VMA12: variants seen among roughly 807,000 people sequenced by gnomAD.
The protein encoded by VMA12 is vacuolar ATPase assembly factor VMA12, also known as vacuolar ATPase assembly protein VMA12.
At chr17:28,362,378 T>C in the VMA12 span, 2 of 152,164 alleles carry the variant, frequency 1.3e-5, no homozygotes, top group Non-Finnish European at 2.9e-5. Flanking sequence ...AAAGCTACAC[T>C]GGGCCAGGTG....
At chr17:28,361,194 G>A in the VMA12 span, 1 of 1,613,974 alleles carries the variant, frequency 6.2e-7, no homozygotes, top group Admixed American at 1.7e-5. Context: ...TCTGTGGTGG[G>A]TCTGGCCGAG....
the VMA12 span, chr17:28,362,252 C>G: frequency 6.6e-6 from 1 of 151,814 alleles, no homozygotes; most frequent in Non-Finnish European, 1.5e-5. Context: ...GTGGACACTT[C>G]CTCTACAATG....
chr17:28,358,151 T>A, the VMA12 span: 54 of 517,676 alleles, frequency 1.0e-4, no homozygotes, highest in East Asian at 1.8e-3. Context: ...AAAGTCTAGG[T>A]TTTTACCAAA....
At chr17:28,359,360 G>A in the VMA12 span, 3 of 1,613,978 alleles carry the variant, frequency 1.9e-6, no homozygotes, top group African/African-American at 4.0e-5. Flanking sequence ...GATACAGCTG[G>A]CCAATGAGGA....
the VMA12 span, chr17:28,360,457 C>T: frequency 7.9e-6 from 10 of 1,258,828 alleles, no homozygotes; most frequent in Admixed American, 2.3e-4. Flanking sequence ...ATAGAGAGGG[C>T]TGAGCCAGAC....
the VMA12 span, chr17:28,358,052 G>A: frequency 1.4e-6 from 1 of 702,728 alleles, no homozygotes; most frequent in African/African-American, 1.8e-5. Context: ...GGAATTTCTC[G>A]TGGATGACAA....
the VMA12 span, chr17:28,360,887 G>A: frequency 1.8e-5 from 27 of 1,533,252 alleles, no homozygotes; most frequent in Non-Finnish European, 2.3e-5. Flanking sequence ...CCCTGGTGGG[G>A]GTGTTAGTGG....
the VMA12 span, chr17:28,360,533 C>T: frequency 3.1e-6 from 5 of 1,614,062 alleles, no homozygotes; most frequent in Non-Finnish European, 4.2e-6. Flanking sequence ...TCCCAGGATA[C>T]AAGACATGGT....
the VMA12 span, among the ~76,000 whole-genome samples, chr17:28,358,729 G>C: frequency 6.8e-3 from 1,043 of 152,288 alleles, 15 homozygotes; most frequent in African/African-American, 0.024. Flanking sequence ...AGTCACCTGC[G>C]CAGCACTGGG....
chr17:28,359,314 G>A, the VMA12 span: 1 of 1,614,042 alleles, frequency 6.2e-7, no homozygotes, highest in Non-Finnish European at 8.5e-7. Flanking sequence ...TTCTGCTTCA[G>A]AACCCAGAAC....
At chr17:28,360,375 T>C in the VMA12 span, 1 of 677,420 alleles carries the variant, frequency 1.5e-6, no homozygotes, top group Non-Finnish European at 2.5e-6. Flanking sequence ...GCCTGCTCTG[T>C]AGTCCAGAAA....
At chr17:28,359,729 AC>A in the VMA12 span, 58 of 175,298 alleles carry the variant, frequency 3.3e-4, no homozygotes, top group African/African-American at 1.4e-3. Flanking sequence ...ACATGGTGAA[AC>A]CCCGTCTTTA....
At chr17:28,360,550 C>T in the VMA12 span, 1 of 1,614,192 alleles carries the variant, frequency 6.2e-7, no homozygotes, top group Non-Finnish European at 8.5e-7. Flanking sequence ...TGGTGGGACT[C>T]TCAGCGACCT....
At chr17:28,361,381 A>G in the VMA12 span, 7 of 782,754 alleles carry the variant, frequency 8.9e-6, no homozygotes, top group South Asian at 1.2e-4. Flanking sequence ...AGCCCAGGCC[A>G]GCTGCTGTTT....
At chr17:28,360,448 TAGAG>T in the VMA12 span, 13 of 1,179,226 alleles carry the variant, frequency 1.1e-5, no homozygotes, top group Non-Finnish European at 1.5e-5. Flanking sequence ...TGTTGGGGAA[TAGAG>T]AGGGCTGAGC....
chr17:28,360,871 G>C, the VMA12 span: 1 of 1,593,930 alleles, frequency 6.3e-7, no homozygotes, highest in African/African-American at 1.3e-5. Context: ...GGGCAGGGCA[G>C]GGTGCCCCTG....
chr17:28,358,317 G>A, the VMA12 span: 7 of 437,796 alleles, frequency 1.6e-5, no homozygotes, highest in African/African-American at 1.2e-4. Context: ...AATATAGGAT[G>A]GCAAAAGCTG....
At chr17:28,359,475 C>A in the VMA12 span, 5 of 1,450,844 alleles carry the variant, frequency 3.4e-6, no homozygotes, top group South Asian at 2.3e-5. Context: ...GAAGAAGATA[C>A]AGAGTTTAGA....
chr17:28,360,811 C>T, the VMA12 span: 1 of 1,614,006 alleles, frequency 6.2e-7, no homozygotes, highest in South Asian at 1.1e-5. Flanking sequence ...TCTGCACTTA[C>T]CTTGGAAGCC....
Sources: gnomAD v4.1 joint callset for allele counts (sites outside exome capture counted in the v4.1 genomes callset) on GRCh38, gnomAD v4.1.1 for gene constraint, MANE v1.5 for transcripts, NCBI Gene and HGNC (gene_info 2026-07-23, HGNC 2026-07-21) for gene names.